Variants in GABRB1 observed in about 807,000 individuals in gnomAD.
The protein encoded by GABRB1 is gamma-aminobutyric acid receptor subunit beta-1.
Under a neutral mutation model 51.6 loss-of-function variants are expected in GABRB1, and 17 were observed. The observed-to-expected ratio is 0.33, with a 90% CI of 0.23 to 0.49. The LOEUF (loss-of-function observed/expected upper bound fraction) is 0.49. Among genes scored for constraint, GABRB1 ranks in the 20% least tolerant of loss-of-function variants. The pLI is 0.99. For missense variants in GABRB1, 410 were observed against 600.6 expected (o/e 0.68, Z 3.32); for synonymous variants, 247 against 218.9 (o/e 1.13, Z -1.14).
At chr4:47,253,012 A>G (rs1434939471) in intron 4 of GABRB1, among the ~76,000 whole-genome samples, 7 of 152,212 alleles carry the variant, frequency 4.6e-5, no homozygotes, top group African/African-American at 1.7e-4. Flanking sequence ...TTGAATCCTC[A>G]TAACAACCTT....
rs371242994 is a variant in GABRB1, at chr4:47,110,954, AG to A, written c.241-50294del. On this transcript the variant is annotated intron_variant, in intron 3 of 8. Coordinates refer to ENST00000295454, the MANE Select transcript of GABRB1 (RefSeq NM_000812.4). ...GTTTCACTATGAGGCAAGTGAATTT[AG>A]ATTATAATTGCAAATAAGGTTTACA... is the stretch of plus-strand genomic sequence containing the variant. Among the ~76,000 whole-genome samples, 41 of 152,316 alleles carry A rather than the reference AG, an allele frequency of 2.7e-4. 1 individual carries two copies. The East Asian group carries it at 6.4e-3, about 24-fold the overall frequency.
chr4:47,077,177 T>G (rs946692810), intron 3 of GABRB1, among the ~76,000 whole-genome samples: 2 of 152,196 alleles, frequency 1.3e-5, no homozygotes, highest in African/African-American at 4.8e-5. Flanking sequence ...TATCGAAATG[T>G]ACCGGAGTCC....
intron 1 of GABRB1, among the ~76,000 whole-genome samples, chr4:47,021,651 A>T (rs1295732327): frequency 6.6e-6 from 1 of 152,062 alleles, no homozygotes; most frequent in East Asian, 1.9e-4. Flanking sequence ...GTTCATCAAT[A>T]TTTAAATATT....
chr4:47,007,275 T>C (rs1233911550), intron 1 of GABRB1, among the ~76,000 whole-genome samples: 1 of 152,230 alleles, frequency 6.6e-6, no homozygotes, highest in Non-Finnish European at 1.5e-5. Flanking sequence ...AAATGTATTA[T>C]TAAAGAGAGA....
At chr4:47,118,262 A>G (rs1715594330) in intron 3 of GABRB1, among the ~76,000 whole-genome samples, 1 of 152,134 alleles carries the variant, frequency 6.6e-6, no homozygotes, top group Admixed American at 6.6e-5. Context: ...TTTGCCCTTT[A>G]AAATACTAGT....
At chr4:47,388,652 A>C (rs1283390244) in intron 5 of GABRB1, among the ~76,000 whole-genome samples, 1 of 152,196 alleles carries the variant, frequency 6.6e-6, no homozygotes, top group African/African-American at 2.4e-5. Flanking sequence ...TAGAGAAAGA[A>C]GACAGATAAC....
At chr4:47,266,491 A>G (rs1722646726) in intron 4 of GABRB1, among the ~76,000 whole-genome samples, 1 of 152,128 alleles carries the variant, frequency 6.6e-6, no homozygotes, top group Non-Finnish European at 1.5e-5. Context: ...AGGAATTGCA[A>G]TTAATTAATT....
At chr4:47,284,518 A>T (rs1227389983) in intron 4 of GABRB1, among the ~76,000 whole-genome samples, 1 of 152,198 alleles carries the variant, frequency 6.6e-6, no homozygotes. Flanking sequence ...TGTCCATTTT[A>T]TTTCCCTACT....
intron 4 of GABRB1, among the ~76,000 whole-genome samples, chr4:47,180,250 T>C (rs1718889408): frequency 6.6e-6 from 1 of 152,098 alleles, no homozygotes; most frequent in Admixed American, 6.6e-5. Flanking sequence ...GAAAAATCTA[T>C]TCCAAAGTAA....
chr4:47,264,160 CAA>C (rs978577325), intron 4 of GABRB1, among the ~76,000 whole-genome samples: 1 of 151,808 alleles, frequency 6.6e-6, no homozygotes, highest in East Asian at 1.9e-4. Flanking sequence ...AAGAAACAAA[CAA>C]AAAAACAAGC....
intron 4 of GABRB1, among the ~76,000 whole-genome samples, chr4:47,261,443 T>C (rs1722433494): frequency 6.6e-6 from 1 of 152,158 alleles, no homozygotes; most frequent in Admixed American, 6.5e-5. Flanking sequence ...CCATTCACAA[T>C]TGCTTCAAAG....
chr4:47,092,984 A>G (rs1003055326), intron 3 of GABRB1, among the ~76,000 whole-genome samples: 5 of 152,242 alleles, frequency 3.3e-5, no homozygotes, highest in South Asian at 2.1e-4. Context: ...ATAATGATTA[A>G]GAAATACAAA....
chr4:47,066,066 C>T (rs1487404846), intron 3 of GABRB1, among the ~76,000 whole-genome samples: 1 of 152,010 alleles, frequency 6.6e-6, no homozygotes, highest in Non-Finnish European at 1.5e-5. Context: ...CTGTCAAAGC[C>T]ATACGAACAA....
chr4:47,399,209 T>C (rs1229120070), intron 5 of GABRB1, among the ~76,000 whole-genome samples: 1 of 152,210 alleles, frequency 6.6e-6, no homozygotes, highest in African/African-American at 2.4e-5. Flanking sequence ...TCTCCTTAGA[T>C]TTGTTATTAT....
chr4:47,215,521 A>G (rs1321195562), intron 4 of GABRB1, among the ~76,000 whole-genome samples: 1 of 152,114 alleles, frequency 6.6e-6, no homozygotes, highest in Non-Finnish European at 1.5e-5. Flanking sequence ...GAAGGGGGAA[A>G]AATCAAAAGA....
intron 3 of GABRB1, among the ~76,000 whole-genome samples, chr4:47,152,241 T>A (rs1401897453): frequency 6.6e-6 from 1 of 152,012 alleles, no homozygotes; most frequent in Non-Finnish European, 1.5e-5. Context: ...ATGACAGCAC[T>A]AACACACTTA....
chr4:47,377,740 C>T (rs1485460665), intron 5 of GABRB1, among the ~76,000 whole-genome samples: 3 of 152,014 alleles, frequency 2.0e-5, no homozygotes, highest in Non-Finnish European at 4.4e-5. Flanking sequence ...CTCCAAGTCC[C>T]CACCAGATTA....
At chr4:47,277,506 G>A (rs1387609139) in intron 4 of GABRB1, among the ~76,000 whole-genome samples, 1 of 152,016 alleles carries the variant, frequency 6.6e-6, no homozygotes, top group Non-Finnish European at 1.5e-5. Context: ...AAAATAAAAG[G>A]TGTAATTGAA....
chr4:47,223,645 G>A (rs1052038340), intron 4 of GABRB1, among the ~76,000 whole-genome samples: 3 of 152,046 alleles, frequency 2.0e-5, no homozygotes, highest in African/African-American at 7.2e-5. Context: ...TTCAAGAAGA[G>A]GCATGTAGGC....
Sources: allele counts gnomAD v4.1 joint callset (sites outside exome capture counted in the v4.1 genomes callset), GRCh38; gene constraint gnomAD v4.1.1; transcripts MANE v1.5; gene names NCBI Gene and HGNC (gene_info 2026-07-23, HGNC 2026-07-21).